The following MCC variants were observed in gnomAD, a reference collection of about 807,000 sequenced individuals.
MCC encodes the protein colorectal mutant cancer protein.
In MCC, 90 loss-of-function variants were observed where a neutral mutation model predicts 116.2. The ratio of observed to expected loss-of-function variants is 0.77; its 90% confidence interval spans 0.65 to 0.92. The LOEUF is 0.92. Ranked by LOEUF, MCC falls within the 40% of genes least tolerant of loss-of-function variation. The pLI is 0.00. For synonymous variants in MCC, 578 were observed against 510.5 expected, an observed-to-expected ratio of 1.13 and a Z score of -1.78; for missense variants, 1,516 against 1,312.2, an observed-to-expected ratio of 1.16 and a Z score of -2.40.
Position 113,027,022 on chromosome 5 carries a change from C to G in MCC, c.*280G>C, listed in dbSNP as rs1361617451. The G allele has an allele frequency of 2.6e-6, 1 of 382,884 alleles. No individual in the cohort carries two copies. The highest frequency in any genetic ancestry group is 4.7e-6 in the Non-Finnish European group (1 of 214,928). The allele number at this position is 382,884 out of a possible 1,614,324, so 23.7% of individuals were successfully genotyped here. A position where few individuals can be genotyped will look rare whatever the true frequency, so the allele number is the denominator to read the frequency against. On this transcript the variant is annotated 3_prime_UTR_variant, in exon 19 of 19. Transcript: ENST00000408903. ...CAGAAGAGGAGGGGGAGAGTGAGTG[C>G]TGAAAGCAGAAACGAGGCTCTGCTG...
At chr5:113,476,662 C>A (rs1252504837) in intron 1 of MCC, among the ~76,000 whole-genome samples, 1 of 152,070 alleles carries the variant, frequency 6.6e-6, no homozygotes, top group Non-Finnish European at 1.5e-5. Flanking sequence ...AAAACACAAG[C>A]AATAAAAGGC....
intron 7 of MCC, among the ~76,000 whole-genome samples, chr5:113,102,209 G>C (rs557171147): frequency 2.0e-5 from 3 of 152,216 alleles, no homozygotes; most frequent in Non-Finnish European, 4.4e-5. Context: ...CCTGGCAGCT[G>C]AGTCTGTCTG....
intron 3 of MCC, among the ~76,000 whole-genome samples, chr5:113,276,113 A>T (rs996047437): frequency 1.3e-5 from 2 of 152,194 alleles, no homozygotes; most frequent in Middle Eastern, 3.4e-3. Flanking sequence ...CCAGTGTGGG[A>T]ACAGCACAGC....
intron 5 of MCC, among the ~76,000 whole-genome samples, chr5:113,130,475 T>C (rs982819526): frequency 6.6e-6 from 1 of 152,108 alleles, no homozygotes; most frequent in African/African-American, 2.4e-5. Context: ...TTAGGTATAA[T>C]TAAAAAAAAT....
intron 1 of MCC, among the ~76,000 whole-genome samples, chr5:113,427,036 G>A (rs1770504092): frequency 6.6e-6 from 1 of 152,092 alleles, no homozygotes; most frequent in African/African-American, 2.4e-5. Flanking sequence ...CATCCTAATT[G>A]ATATATTTTT....
At chr5:113,072,479 C>A (rs77744822) in intron 11 of MCC, among the ~76,000 whole-genome samples, 2,886 of 152,282 alleles carry the variant, frequency 0.019, 108 homozygotes, top group African/African-American at 0.065. Context: ...AAAGCCTTTA[C>A]CCAACTCATA....
chr5:113,324,843 T>G (rs1012774207), intron 3 of MCC, among the ~76,000 whole-genome samples: 2 of 152,044 alleles, frequency 1.3e-5, no homozygotes, highest in Non-Finnish European at 1.5e-5. Context: ...AACTTTTTTT[T>G]TTTTTTGGAG....
chr5:113,134,021 T>A (rs968744530), intron 5 of MCC, among the ~76,000 whole-genome samples: 1 of 152,250 alleles, frequency 6.6e-6, no homozygotes, highest in African/African-American at 2.4e-5. Flanking sequence ...TCTCCCATTC[T>A]GTAGTTTGTC....
chr5:113,243,222 T>C (rs757523810), intron 3 of MCC, among the ~76,000 whole-genome samples: 9 of 152,218 alleles, frequency 5.9e-5, no homozygotes, highest in Non-Finnish European at 1.0e-4. Flanking sequence ...TGGCATGATC[T>C]AGAAGTAGCT....
At chr5:113,297,749 C>CAAAAA (rs57148050) in intron 3 of MCC, among the ~76,000 whole-genome samples, 39 of 60,496 alleles carry the variant, frequency 6.4e-4, no homozygotes, top group Non-Finnish European at 9.1e-4. Context: ...GACTCTGTCT[C>CAAAAA]AAAAAAAAAA....
chr5:113,454,709 A>G (rs1262011695), intron 1 of MCC, among the ~76,000 whole-genome samples: 1 of 152,236 alleles, frequency 6.6e-6, no homozygotes, highest in Non-Finnish European at 1.5e-5. Flanking sequence ...AAGTCCATCA[A>G]CTATAAAATT....
chr5:113,205,233 T>G (rs1368884906), intron 3 of MCC, among the ~76,000 whole-genome samples: 1 of 152,214 alleles, frequency 6.6e-6, no homozygotes, highest in Non-Finnish European at 1.5e-5. Flanking sequence ...AAGAGCAGGA[T>G]CTAAGAATCA....
Position 113,295,822 on chromosome 5 carries a change from A to G in MCC, c.627+44697T>C, listed in dbSNP as rs116726239. Among the ~76,000 whole-genome samples, 509 of 152,316 alleles carry G rather than the reference A, an allele frequency of 3.3e-3. 1 individual carries two copies. Among genetic ancestry groups the G allele is most frequent in the African/African-American group, 0.012 (479 of 41,568 alleles). ...AAATGTTCTGATGCTTCAAAACAGT[A>G]GGTCTGCGAGATTGCTTAAGAGACC... On this transcript the variant is annotated intron_variant, in intron 3 of 18. Transcript: ENST00000408903.
chr5:113,074,608 C>T lies in MCC; in HGVS notation c.1785-3374G>A, dbSNP rs188287075. On this transcript the variant is annotated intron_variant, in intron 11 of 18. Coordinates refer to ENST00000408903, the MANE Select transcript of MCC (RefSeq NM_001085377.2). ...CTTCTCCAAGCTAAAGGAGGATGTT[C>T]GAGCCCATTGCAAAGAAGCTAAAAA... 1.1e-3 allele frequency among the ~76,000 whole-genome samples: 160 copies of T among 152,278 alleles called. 4 individuals carry two copies. The East Asian group carries it at 0.025, about 24-fold the overall frequency.
chr5:113,347,164 T>C (rs1023046199), intron 2 of MCC, among the ~76,000 whole-genome samples: 2 of 152,152 alleles, frequency 1.3e-5, no homozygotes. Context: ...TCACTTTCAA[T>C]AGTAAGCACA....
In MCC at chr5:113,068,147, C is replaced by T. The variant is rs144615351; in HGVS notation, c.1962G>A (p.Ala654=). The change falls in exon 13 of 19, where the codon GCG becomes GCA. Residue 654 remains alanine (A), a synonymous_variant. Transcript: ENST00000408903. ...TGAGGCTCTGCTCACTCTCTGCCAG[C>T]GCCAGGAGGAGTTCGTAGGCTTCGA... ...QCIEAYELLL[A]LAESEQSLIL... 10 of 1,614,066 alleles carry T rather than the reference C, an allele frequency of 6.2e-6. No individual in the cohort carries two copies. Among genetic ancestry groups the T allele is most frequent in the Admixed American group, 1.7e-5 (1 of 60,010 alleles).
intron 8 of MCC, among the ~76,000 whole-genome samples, chr5:113,093,862 T>C (rs1208599954): frequency 6.6e-6 from 1 of 152,236 alleles, no homozygotes; most frequent in Non-Finnish European, 1.5e-5. Flanking sequence ...GTTCTGCTGA[T>C]GATACGTAGC....
chr5:113,054,532 C>G (rs1219061689), intron 14 of MCC, among the ~76,000 whole-genome samples: 1 of 152,250 alleles, frequency 6.6e-6, no homozygotes, highest in Non-Finnish European at 1.5e-5. Flanking sequence ...CGCAGGTGTC[C>G]CAGGCTGTGG....
At chr5:113,358,906 T>C (rs1768477293) in intron 2 of MCC, among the ~76,000 whole-genome samples, 1 of 152,208 alleles carries the variant, frequency 6.6e-6, no homozygotes. Flanking sequence ...GCCCCTAGCA[T>C]CGTCCACTAC....
Sources: gnomAD v4.1 joint callset for allele counts (sites outside exome capture counted in the v4.1 genomes callset) on GRCh38, gnomAD v4.1.1 for gene constraint, MANE v1.5 for transcripts, NCBI Gene and HGNC (gene_info 2026-07-23, HGNC 2026-07-21) for gene names.